Variants in CDK13 observed in about 807,000 individuals in gnomAD.
The protein encoded by CDK13 is cyclin-dependent kinase 13.
In CDK13, 40 loss-of-function variants were observed where a neutral mutation model predicts 137.6. The ratio of observed to expected loss-of-function variants is 0.29; its 90% confidence interval spans 0.23 to 0.38. The LOEUF (loss-of-function observed/expected upper bound fraction) is 0.38. CDK13 is among the 10% of genes least tolerant of loss of function. CDK13 has a pLI of 1.00. For synonymous variants in CDK13, 869 were observed against 760.1 expected (o/e 1.14, Z -2.36); for missense variants, 1,704 against 1,951.8 (o/e 0.87, Z 2.39).
chr7:39,959,842 T>C (rs1378630095), intron 1 of CDK13, among the ~76,000 whole-genome samples: 1 of 2,104 alleles, frequency 4.8e-4, no homozygotes, highest in Non-Finnish European at 7.4e-4. Flanking sequence ...TACTAACTTG[T>C]TTTTTTTTTT....
intron 1 of CDK13, among the ~76,000 whole-genome samples, chr7:39,953,304 G>A (rs1004713222): frequency 1.3e-5 from 2 of 152,164 alleles, no homozygotes; most frequent in African/African-American, 4.8e-5. Context: ...ATTGTATCTT[G>A]TAAGACTTTG....
intron 9 of CDK13, among the ~76,000 whole-genome samples, chr7:40,069,090 T>C (rs934190298): frequency 6.6e-6 from 1 of 152,006 alleles, no homozygotes; most frequent in Non-Finnish European, 1.5e-5. Flanking sequence ...AAAAATTAGG[T>C]GGGTGTGGTA....
chr7:39,990,665 G>C (rs1297289963), intron 2 of CDK13, among the ~76,000 whole-genome samples: 1 of 152,140 alleles, frequency 6.6e-6, no homozygotes, highest in African/African-American at 2.4e-5. Context: ...GTAGTAGAAA[G>C]CTTAGTTTTT....
At chr7:40,015,878 C>G (rs971779477) in intron 5 of CDK13, among the ~76,000 whole-genome samples, 4 of 152,118 alleles carry the variant, frequency 2.6e-5, no homozygotes, top group Non-Finnish European at 5.9e-5. Flanking sequence ...TGGTTGCGAT[C>G]AAACCCAAAC....
Position 40,088,113 on chromosome 7 carries a change from T to C in CDK13, c.3030-13T>C. ...AAATGCCATTTACAATTTAATTCCT[T>C]TTTTTTTTTCAGTCTCCCTTTATGG... On this transcript the variant is annotated splice_polypyrimidine_tract_variant and intron_variant, in intron 11 of 13. Coordinates refer to ENST00000181839, the MANE Select transcript of CDK13 (RefSeq NM_003718.5). 7.0e-7 allele frequency: 1 copy of C among 1,438,700 alleles called. No homozygotes were observed. Among genetic ancestry groups the C allele is most frequent in the South Asian group, 1.2e-5 (1 of 80,744 alleles). The allele number at this position is 1,438,700 out of a possible 1,614,324, so 89.1% of individuals were successfully genotyped here. A position where few individuals can be genotyped will look rare whatever the true frequency, so the allele number is the denominator to read the frequency against.
Position 40,099,396 on chromosome 7 carries a change from G to A in CDK13, c.*4416G>A, listed in dbSNP as rs1787099952. ...CAAATGAGGCTCTATAGTGAATACA[G>A]AATCACTCTTCTAAGTTTTTTCCCA... is the stretch of plus-strand genomic sequence containing the variant. On this transcript the variant is annotated 3_prime_UTR_variant, in exon 14 of 14. Coordinates refer to ENST00000181839, the MANE Select transcript of CDK13 (RefSeq NM_003718.5). The A allele has an allele frequency of 6.6e-6, 1 of 152,154 alleles. No homozygotes were observed. Among genetic ancestry groups the A allele is most frequent in the Admixed American group, 6.5e-5 (1 of 15,274 alleles). 9.4% of individuals were successfully genotyped at this position (152,154 alleles called of 1,614,324 possible).
At chr7:39,992,107 A>G (rs918186073) in intron 2 of CDK13, among the ~76,000 whole-genome samples, 39 of 121,120 alleles carry the variant, frequency 3.2e-4, no homozygotes, top group African/African-American at 2.1e-3. Context: ...ACACACACGC[A>G]CACACACACA....
At chr7:40,065,410 T>C (rs1204030247) in intron 9 of CDK13, among the ~76,000 whole-genome samples, 4 of 152,010 alleles carry the variant, frequency 2.6e-5, no homozygotes, top group African/African-American at 9.7e-5. Context: ...GGAAGAAGAA[T>C]AGTTGTCTTA....
At chr7:39,998,182 A>G (rs1041420998) in intron 3 of CDK13, 1 of 151,270 alleles carries the variant, frequency 6.6e-6, no homozygotes, top group Non-Finnish European at 1.5e-5. Flanking sequence ...TTAATCAGTT[A>G]AAGGCGGGGA....
intron 1 of CDK13, among the ~76,000 whole-genome samples, chr7:39,963,717 A>G (rs906673204): frequency 2.0e-5 from 3 of 152,136 alleles, no homozygotes; most frequent in African/African-American, 7.2e-5. Flanking sequence ...TTCAAAGGGA[A>G]TGCTTCCAGT....
intron 1 of CDK13, among the ~76,000 whole-genome samples, chr7:39,982,384 A>T (rs1165256768): frequency 1.3e-5 from 2 of 151,990 alleles, no homozygotes; most frequent in African/African-American, 4.8e-5. Flanking sequence ...CATGGTGTAT[A>T]TGTGCCACAT....
In CDK13 at chr7:39,998,655, ACTCT is replaced by A. The variant is rs796160603; in HGVS notation, c.2043-703_2043-700del. 8 of 151,288 alleles carry A rather than the reference ACTCT, an allele frequency of 5.3e-5. No individual in the cohort carries two copies. The South Asian group carries it at 1.7e-3, about 32-fold the overall frequency. 9.4% of individuals were successfully genotyped at this position (151,288 alleles called of 1,614,324 possible). A position where few individuals can be genotyped will look rare whatever the true frequency, so the allele number is the denominator to read the frequency against. ...AGATAAAATAAAATAGCTAAAAAAT[ACTCT>A]CTTCTTGAGCACTGTAGTTTTATTC... On this transcript the variant is annotated intron_variant, in intron 3 of 13. Coordinates refer to ENST00000181839, the MANE Select transcript of CDK13 (RefSeq NM_003718.5).
chr7:39,976,484 C>A (rs1784115366), intron 1 of CDK13, among the ~76,000 whole-genome samples: 1 of 151,860 alleles, frequency 6.6e-6, no homozygotes, highest in Non-Finnish European at 1.5e-5. Flanking sequence ...TTCTCTATAC[C>A]TTGGTTGCAC....
rs1786128143 is a variant in CDK13 at position 40,060,884 on chromosome 7, AT to A, written c.2601-1941del. 2.0e-5 allele frequency: 3 copies of A among 152,422 alleles called. No homozygotes were observed. In the South Asian group the frequency reaches 6.2e-4, roughly 32 times the overall value. 9.4% of individuals were successfully genotyped at this position (152,422 alleles called of 1,614,324 possible). A position where few individuals can be genotyped will look rare whatever the true frequency, so the allele number is the denominator to read the frequency against. ...GGAATTTGAGACCAGCCTGGCCAAC[AT>A]GGCAAAACCCTGTCTCTACTAAAAG... On this transcript the variant is annotated intron_variant, in intron 7 of 13. Transcript: ENST00000181839.
chr7:40,039,263 T>C (rs1785552352), intron 5 of CDK13, among the ~76,000 whole-genome samples: 1 of 151,644 alleles, frequency 6.6e-6, no homozygotes, highest in Admixed American at 6.6e-5. Flanking sequence ...TTTATTTATA[T>C]ATACAGATAG....
intron 1 of CDK13, chr7:39,985,770 GGTGCC>G (rs1383348969): frequency 2.0e-5 from 3 of 152,180 alleles, no homozygotes. Context: ...GGACTACAGA[GGTGCC>G]GTGGATTAAG....
intron 5 of CDK13, among the ~76,000 whole-genome samples, chr7:40,018,028 T>C (rs565113445): frequency 1.3e-5 from 2 of 152,034 alleles, no homozygotes; most frequent in East Asian, 3.9e-4. Flanking sequence ...CACCACCCTA[T>C]AGCATATTTT....
intron 1 of CDK13, among the ~76,000 whole-genome samples, chr7:39,953,741 A>G (rs1787315332): frequency 6.6e-6 from 1 of 152,172 alleles, no homozygotes; most frequent in Non-Finnish European, 1.5e-5. Context: ...CAGTATTTCT[A>G]AAGAGTTGAA....
chr7:39,976,323 T>TCTCTCTCTCTCTCTCCCACACACACACA, intron 1 of CDK13, among the ~76,000 whole-genome samples: 1 of 39,548 alleles, frequency 2.5e-5, no homozygotes, highest in Non-Finnish European at 5.8e-5. Context: ...TCTCTCTCTC[T>TCTCTCTCTCTCTCTCCCACACACACACA]CACACACACA....
Sources: gnomAD v4.1 joint callset for allele counts (sites outside exome capture counted in the v4.1 genomes callset) on GRCh38, gnomAD v4.1.1 for gene constraint, MANE v1.5 for transcripts, NCBI Gene and HGNC (gene_info 2026-07-23, HGNC 2026-07-21) for gene names.